Variants in CNTN5 observed in about 807,000 individuals in gnomAD.
The protein encoded by CNTN5 is contactin-5.
Under a neutral mutation model 129.1 loss-of-function variants are expected in CNTN5, and 77 were observed. The ratio of observed to expected loss-of-function variants is 0.60; its 90% CI spans 0.50 to 0.72. The LOEUF is 0.72. CNTN5 is among the 30% of genes least tolerant of loss of function. The probability of loss-of-function intolerance (pLI) is 0.00; values close to 1 mark genes in which losing one functional copy is unlikely to be tolerated. For missense variants in CNTN5, 1,478 were observed against 1,328.8 expected, an observed-to-expected ratio of 1.11 and a Z score of -1.75; for synonymous variants, 509 against 465.6, an observed-to-expected ratio of 1.09 and a Z score of -1.20.
At chr11:100,132,347 A>G (rs991178487) in intron 13 of CNTN5, among the ~76,000 whole-genome samples, 4 of 152,154 alleles carry the variant, frequency 2.6e-5, no homozygotes, top group African/African-American at 9.6e-5. Context: ...AATGCATCTC[A>G]TATAGAGCCT....
At chr11:99,592,163 C>A (rs532311690) in intron 3 of CNTN5, among the ~76,000 whole-genome samples, 27 of 152,252 alleles carry the variant, frequency 1.8e-4, no homozygotes, top group African/African-American at 6.0e-4. Context: ...ATATATAAGT[C>A]TGGAGTCTCC....
chr11:99,719,683 A>C (rs984107616), intron 3 of CNTN5, among the ~76,000 whole-genome samples: 1 of 152,104 alleles, frequency 6.6e-6, no homozygotes, highest in African/African-American at 2.4e-5. Flanking sequence ...CACAAGAAAT[A>C]ACAAAAATCC....
At chr11:99,964,897 A>G (rs1006535375) in intron 8 of CNTN5, among the ~76,000 whole-genome samples, 4 of 152,080 alleles carry the variant, frequency 2.6e-5, no homozygotes, top group Admixed American at 2.6e-4. Flanking sequence ...GGGAGGGTGT[A>G]TGTGTTGAGG....
intron 6 of CNTN5, among the ~76,000 whole-genome samples, chr11:99,866,599 G>A (rs1565620220): frequency 6.6e-6 from 1 of 152,136 alleles, no homozygotes; most frequent in Non-Finnish European, 1.5e-5. Context: ...TATGCATCTT[G>A]TGACTCCAAG....
intron 9 of CNTN5, among the ~76,000 whole-genome samples, chr11:100,053,269 C>G (rs1469862175): frequency 6.6e-6 from 1 of 151,478 alleles, no homozygotes; most frequent in Non-Finnish European, 1.5e-5. Flanking sequence ...AAATTAAAAC[C>G]TGCTTTTGTC....
At chr11:100,344,931 C>T (rs1346788492) in intron 23 of CNTN5, among the ~76,000 whole-genome samples, 6 of 151,858 alleles carry the variant, frequency 4.0e-5, no homozygotes, top group African/African-American at 1.5e-4. Context: ...ATAATAAGAA[C>T]ACTATAAAAA....
chr11:99,507,051 G>C (rs1216722726), intron 2 of CNTN5, among the ~76,000 whole-genome samples: 1 of 152,166 alleles, frequency 6.6e-6, no homozygotes, highest in Admixed American at 6.5e-5. Flanking sequence ...AAAATAAAAA[G>C]TGTATTGTAC....
At chr11:99,039,478 T>C (rs1863898939) in intron 1 of CNTN5, among the ~76,000 whole-genome samples, 1 of 152,128 alleles carries the variant, frequency 6.6e-6, no homozygotes, top group Admixed American at 6.6e-5. Context: ...CTGCTCTTCA[T>C]TGTATTCACT....
intron 13 of CNTN5, among the ~76,000 whole-genome samples, chr11:100,091,286 C>T (rs1392423732): frequency 6.6e-6 from 1 of 151,886 alleles, no homozygotes; most frequent in Non-Finnish European, 1.5e-5. Context: ...CAAATGTTAC[C>T]TTCTCGGAGG....
chr11:99,429,610 A>AT (rs138153564), intron 2 of CNTN5, among the ~76,000 whole-genome samples: 3,276 of 151,988 alleles, frequency 0.022, 128 homozygotes, highest in African/African-American at 0.074. Context: ...GTACCATAGG[A>AT]TTTTTTTTAA....
At position 99,034,378 on chromosome 11, in the gene CNTN5, G is replaced by A. The variant is rs865984708; in HGVS notation, c.-210+13108G>A. Among the ~76,000 whole-genome samples, 658 of 151,554 alleles carry A rather than the reference G, an allele frequency of 4.3e-3. 1 individual carries two copies. The highest frequency in any genetic ancestry group is 0.014 in the African/African-American group (591 of 41,234). On this transcript the variant is annotated intron_variant, in intron 1 of 24. Transcript: ENST00000524871. ...CCTCCTTGTACCTCTGGTAGAATTCGGCTGTGAATCCATCTGGTCCTGGAC... is the reference window on the plus strand; with the variant it reads ...CCTCCTTGTACCTCTGGTAGAATTCAGCTGTGAATCCATCTGGTCCTGGAC...
At chr11:99,797,819 T>G (rs1425271640) in intron 3 of CNTN5, among the ~76,000 whole-genome samples, 1 of 152,156 alleles carries the variant, frequency 6.6e-6, no homozygotes, top group Non-Finnish European at 1.5e-5. Flanking sequence ...GGAATAGGAT[T>G]TTTTAAAGTT....
intron 1 of CNTN5, among the ~76,000 whole-genome samples, chr11:99,179,259 T>C (rs1320836430): frequency 6.6e-6 from 1 of 151,992 alleles, no homozygotes; most frequent in Non-Finnish European, 1.5e-5. Context: ...CTGGCCAACA[T>C]GGTGAAACCC....
At chr11:99,462,365 T>TTTTTTTTTTTTTTTTTTTTTG (rs1944743252) in intron 2 of CNTN5, among the ~76,000 whole-genome samples, 1 of 148,878 alleles carries the variant, frequency 6.7e-6, no homozygotes, top group African/African-American at 2.4e-5. Context: ...CTTTTCTTTT[T>TTTTTTTTTTTTTTTTTTTTTG]TTTTTTTTTT....
intron 3 of CNTN5, among the ~76,000 whole-genome samples, chr11:99,814,792 T>C (rs1390224645): frequency 3.3e-5 from 5 of 152,014 alleles, no homozygotes; most frequent in African/African-American, 1.2e-4. Context: ...TATTAGTCTG[T>C]CTCCACCCTG....
chr11:99,859,682 A>G (rs543578173), intron 6 of CNTN5, among the ~76,000 whole-genome samples: 1 of 152,230 alleles, frequency 6.6e-6, no homozygotes, highest in Non-Finnish European at 1.5e-5. Flanking sequence ...GACATCTTTC[A>G]TTCTTTTTTA....
Position 99,042,365 on chromosome 11 carries a change from C to CTTTTTTTTTTT in CNTN5, c.-210+21112_-210+21122dup, listed in dbSNP as rs1210153589. On this transcript the variant is annotated intron_variant, in intron 1 of 24. Coordinates refer to ENST00000524871, the MANE Select transcript of CNTN5 (RefSeq NM_014361.4). ...CACATGTACCTCCCTTCTTCTTCTT[C>CTTTTTTTTTTT]TTTTTTTTTTTTTTTTTTTTTTTTT... is the stretch of plus-strand genomic sequence containing the variant. 1.1e-4 allele frequency among the ~76,000 whole-genome samples: 9 copies of CTTTTTTTTTTT among 83,790 alleles called. 1 individual carries two copies. The East Asian group carries it at 1.2e-3, about 11-fold the overall frequency. 55.0% of individuals were successfully genotyped at this position (83,790 alleles called of 152,430 possible).
chr11:99,099,227 T>C (rs1186503319), intron 1 of CNTN5, among the ~76,000 whole-genome samples: 1 of 152,134 alleles, frequency 6.6e-6, no homozygotes, highest in Non-Finnish European at 1.5e-5. Context: ...ATGTCCACTG[T>C]TAATACAGGG....
chr11:99,301,773 A>C (rs1433135152), intron 1 of CNTN5, among the ~76,000 whole-genome samples: 14 of 151,708 alleles, frequency 9.2e-5, no homozygotes, highest in Non-Finnish European at 8.9e-5. Context: ...CAATAACAGA[A>C]AAAATGTGCA....
Sources: gnomAD v4.1 joint callset for allele counts (sites outside exome capture counted in the v4.1 genomes callset) on GRCh38, gnomAD v4.1.1 for gene constraint, MANE v1.5 for transcripts, NCBI Gene and HGNC (gene_info 2026-07-23, HGNC 2026-07-21) for gene names.